The following ACAN variants were observed in gnomAD, a reference collection of about 807,000 sequenced individuals.
ACAN encodes the protein aggrecan.
In ACAN, 47 loss-of-function variants were observed where a neutral mutation model predicts 169.1. That is an observed-to-expected ratio of 0.28 (90% CI 0.22 to 0.35). The LOEUF (loss-of-function observed/expected upper bound fraction) is 0.35. ACAN is among the 10% of genes least tolerant of loss of function. ACAN has a pLI of 1.00. For synonymous variants in ACAN, 1,115 were observed against 1,112.2 expected, an observed-to-expected ratio of 1.00 and a Z score of -0.05; for missense variants, 2,716 against 2,759.9, an observed-to-expected ratio of 0.98 and a Z score of 0.36.
chr15:88,847,415 C>A lies in ACAN; in HGVS notation c.1602C>A (p.Val534=). 1 of 1,569,028 alleles carries A rather than the reference C, an allele frequency of 6.4e-7. No homozygotes were observed. Among genetic ancestry groups the A allele is most frequent in the Non-Finnish European group, 8.7e-7 (1 of 1,153,058 alleles). ...CCGGCTGGCTGCGGGACCAGACCGTCAGGTGAAGCCATGCTCCTCGCCCAG... is the reference window on the plus strand; with the variant it reads ...CCGGCTGGCTGCGGGACCAGACCGTAAGGTGAAGCCATGCTCCTCGCCCAG... ...CDAGWLRDQT[V]RYPIVSPRTP... is the part of the protein sequence containing the mutation. The change falls in exon 8 of 19, where the codon GTC becomes GTA. Residue 534 remains valine (V), a splice_region_variant and synonymous_variant. Coordinates refer to ENST00000560601, the MANE Select transcript of ACAN (RefSeq NM_001369268.1).
intron 1 of ACAN, among the ~76,000 whole-genome samples, chr15:88,823,472 G>A (rs1032120843): frequency 1.3e-5 from 2 of 151,928 alleles, no homozygotes; most frequent in South Asian, 2.1e-4. Flanking sequence ...CCCTGGATGA[G>A]TGAAGCAGGA....
chr15:88,829,282 G>T (rs761726534), intron 1 of ACAN, among the ~76,000 whole-genome samples: 2 of 152,206 alleles, frequency 1.3e-5, no homozygotes, highest in Non-Finnish European at 2.9e-5. Context: ...TTTCCCTGGG[G>T]GTGATGCTTG....
At chr15:88,815,630 CA>C (rs1352026218) in intron 1 of ACAN, among the ~76,000 whole-genome samples, 1 of 74,692 alleles carries the variant, frequency 1.3e-5, no homozygotes, top group Non-Finnish European at 2.6e-5. Context: ...AGAACAATTT[CA>C]AGACATGAAA....
rs986042115 is a variant in ACAN, at chr15:88,814,254, C to T, written c.-8+10445C>T. Among the ~76,000 whole-genome samples the T allele has an allele frequency of 1.3e-5, 2 of 152,188 alleles. No homozygotes were observed. Among genetic ancestry groups the T allele is most frequent in the Non-Finnish European group, 2.9e-5 (2 of 68,036 alleles). ...GGTAAAATGAGATAATATAGCTAAA[C>T]CACAGTACCTCCCACAGAGCAAGGG... On this transcript the variant is annotated intron_variant, in intron 1 of 18. Coordinates refer to ENST00000560601, the MANE Select transcript of ACAN (RefSeq NM_001369268.1). This position sits in a 1 kb window ranked among gnomAD's most constrained non-coding sequence, Gnocchi z 4.0.
intron 1 of ACAN, among the ~76,000 whole-genome samples, chr15:88,804,903 T>C (rs1322644616): frequency 6.6e-6 from 1 of 152,032 alleles, no homozygotes; most frequent in Non-Finnish European, 1.5e-5. Flanking sequence ...AGCACGGTGT[T>C]TTGGGGTCCT....
Position 88,851,946 on chromosome 15 carries a change from A to G in ACAN, c.2179A>G (p.Thr727Ala). 6.2e-7 allele frequency: 1 copy of G among 1,612,644 alleles called. No individual in the cohort carries two copies. Among genetic ancestry groups the G allele is most frequent in the Non-Finnish European group, 8.5e-7 (1 of 1,179,394 alleles). Reference sequence around the variant, plus strand: ...AACTGCTGTACCCTCAGGGGAGACTACTGCCATCCTAGAGTTCACCACCGA... The same window carrying G: ...AACTGCTGTACCCTCAGGGGAGACTGCTGCCATCCTAGAGTTCACCACCGA... ...ETTAVPSGET[T>A]AILEFTTEPE... Residue 727 changes from threonine to alanine, a missense_variant, in exon 11 of 19, where the codon ACT becomes GCT. Thr to Ala is a moderately conservative substitution (Grantham distance 58). Around this residue, in one of 3 missense-constraint regions of ACAN, gnomAD observed 1,283 missense variants for 1,281.5 expected, o/e 1.00. Transcript: ENST00000560601. The surrounding 1 kb of genome is among the most constrained non-coding windows in gnomAD (Gnocchi z 4.3).
Position 88,845,500 on chromosome 15 carries a change from C to T in ACAN, c.1052-5C>T, listed in dbSNP as rs2141581545. ...GGCTAAAGCTTGTCTTTGCCCCTCC[C>T]CTAGGTGAAGACTTTGTGGACATCC... On this transcript the variant is annotated splice_region_variant and splice_polypyrimidine_tract_variant and intron_variant, in intron 6 of 18. Transcript: ENST00000560601. 1 of 1,596,002 alleles carries T rather than the reference C, an allele frequency of 6.3e-7. No individual in the cohort carries two copies.
intron 1 of ACAN, among the ~76,000 whole-genome samples, chr15:88,821,598 A>G (rs911649920): frequency 1.3e-5 from 2 of 152,206 alleles, no homozygotes; most frequent in Non-Finnish European, 2.9e-5. Context: ...GAGGAAAGGC[A>G]AGAAGTGCTT....
chr15:88,835,172 C>A (rs1373452902), intron 1 of ACAN, among the ~76,000 whole-genome samples: 2 of 152,118 alleles, frequency 1.3e-5, no homozygotes, highest in Non-Finnish European at 2.9e-5. Flanking sequence ...AACATCTTTT[C>A]CCTGACATGA....
In ACAN at chr15:88,838,161, T is replaced by A. The variant is rs1307816715; in HGVS notation, c.71-502T>A. Among the ~76,000 whole-genome samples, 1 of 152,112 alleles carries A rather than the reference T, an allele frequency of 6.6e-6. No individual in the cohort carries two copies. The highest frequency in any genetic ancestry group is 2.4e-5 in the African/African-American group (1 of 41,428). On this transcript the variant is annotated intron_variant, in intron 2 of 18. Coordinates refer to ENST00000560601, the MANE Select transcript of ACAN (RefSeq NM_001369268.1). The surrounding 1 kb of genome is among the most constrained non-coding windows in gnomAD (Gnocchi z 5.1). ...AGAGTGACTTGTCCCGGTGGCAAAATCAGGCTCGCACCCAAAAGCAGACCT... is the reference window on the plus strand; with the variant it reads ...AGAGTGACTTGTCCCGGTGGCAAAAACAGGCTCGCACCCAAAAGCAGACCT...
chr15:88,835,103 T>C (rs1896468326), intron 1 of ACAN, among the ~76,000 whole-genome samples: 1 of 152,184 alleles, frequency 6.6e-6, no homozygotes, highest in South Asian at 2.1e-4. Context: ...CTAGGTCTAA[T>C]TTCTCTCCTA....
chr15:88,833,655 T>C (rs569378429), intron 1 of ACAN, among the ~76,000 whole-genome samples: 21 of 151,550 alleles, frequency 1.4e-4, no homozygotes, highest in Non-Finnish European at 2.5e-4. Context: ...GATATTTCTA[T>C]CCCAAAGTTT....
rs2141590469 is a variant in ACAN, at chr15:88,849,311, G to A, written c.1733-127G>A. 2.2e-6 allele frequency: 2 copies of A among 911,038 alleles called. No homozygotes were observed. The highest frequency in any genetic ancestry group is 5.9e-5 in the Admixed American group (2 of 33,652). The allele number at this position is 911,038 out of a possible 1,614,324, so 56.4% of individuals were successfully genotyped here. ...TCTAAGGGGGAGTGGTCAAAAAAGG[G>A]GTGATGGAGCTGGGCTGGGTCTTAG... On this transcript the variant is annotated intron_variant, in intron 9 of 18. Transcript: ENST00000560601. The surrounding 1 kb of genome is among the most constrained non-coding windows in gnomAD (Gnocchi z 5.1).
intron 1 of ACAN, among the ~76,000 whole-genome samples, chr15:88,808,590 G>C (rs763933256): frequency 6.6e-6 from 1 of 152,168 alleles, no homozygotes; most frequent in African/African-American, 2.4e-5. Flanking sequence ...ATTTGGCCAT[G>C]TCTGGAGACA....
intron 1 of ACAN, among the ~76,000 whole-genome samples, chr15:88,811,305 G>A (rs1303269875): frequency 6.6e-6 from 1 of 152,202 alleles, no homozygotes; most frequent in Non-Finnish European, 1.5e-5. Flanking sequence ...TAAAGCAGAT[G>A]GAGGGACTTG....
chr15:88,815,807 T>C (rs1435788253), intron 1 of ACAN, among the ~76,000 whole-genome samples: 1 of 152,106 alleles, frequency 6.6e-6, no homozygotes, highest in Non-Finnish European at 1.5e-5. Context: ...GTAGTAGTGT[T>C]ATAATAAAAA....
At chr15:88,834,948 T>C (rs1896463827) in intron 1 of ACAN, among the ~76,000 whole-genome samples, 1 of 152,112 alleles carries the variant, frequency 6.6e-6, no homozygotes, top group African/African-American at 2.4e-5. Context: ...TATGCTGGAG[T>C]CAGGGTTCCA....
Position 88,838,885 on chromosome 15 carries a change from G to C in ACAN, c.293G>C (p.Ser98Thr). Residue 98 changes from serine to threonine, a missense_variant, in exon 3 of 19, where the codon AGT (serine) becomes ACT (threonine). Physicochemically the swap from Ser to Thr is moderately conservative, Grantham distance 58. Around this residue, in one of 3 missense-constraint regions of ACAN, gnomAD observed 1,283 missense variants for 1,281.5 expected, o/e 1.00. Coordinates refer to ENST00000560601, the MANE Select transcript of ACAN (RefSeq NM_001369268.1). The surrounding 1 kb of genome is among the most constrained non-coding windows in gnomAD (Gnocchi z 5.1). ...ACTGAAGGGCGCGTGCGGGTCAACA[G>C]TGCCTATCAGGACAAGGTCTCACTG... The part of the protein sequence containing the change: ...VATEGRVRVN[S>T]AYQDKVSLPN... The C allele has an allele frequency of 6.2e-7, 1 of 1,614,072 alleles. No homozygotes were observed. Among genetic ancestry groups the C allele is most frequent in the Non-Finnish European group, 8.5e-7 (1 of 1,179,910 alleles).
chr15:88,841,619 G>C (rs1430832721), intron 4 of ACAN, 121 bp from the exon 5 acceptor site: 3 of 1,288,408 alleles, frequency 2.3e-6, no homozygotes, highest in East Asian at 4.7e-5. Flanking sequence ...ATTCAGAAGA[G>C]ACATTGTCAA....
Sources: allele counts gnomAD v4.1 joint callset (sites outside exome capture counted in the v4.1 genomes callset), GRCh38; gene constraint gnomAD v4.1.1; regional missense constraint gnomAD v4.1.1; non-coding constraint Gnocchi (gnomAD v3.1); transcripts MANE v1.5; gene names NCBI Gene and HGNC (gene_info 2026-07-23, HGNC 2026-07-21).